NRG3: variants seen among roughly 807,000 people sequenced by gnomAD.
NRG3 encodes the protein neuregulin 3, also known as pro-neuregulin-3, membrane-bound isoform.
In NRG3, 31 loss-of-function variants were observed where a neutral mutation model predicts 66.9. The ratio of observed to expected loss-of-function variants is 0.46; its 90% CI spans 0.35 to 0.63. The LOEUF is 0.63. NRG3 is among the 20% of genes least tolerant of loss of function. NRG3 has a pLI of 0.00. For missense variants in NRG3, 910 were observed against 878.9 expected (o/e 1.04, Z -0.45); for synonymous variants, 393 against 359.4 (o/e 1.09, Z -1.06).
At chr10:82,533,866 G>A (rs1847548725) in intron 2 of NRG3, among the ~76,000 whole-genome samples, 1 of 152,008 alleles carries the variant, frequency 6.6e-6, no homozygotes, top group South Asian at 2.1e-4. Context: ...AAAACAATAA[G>A]AAGAACAACA....
chr10:82,738,546 C>T (rs375641062), intron 2 of NRG3, 31 bp from the exon 3 acceptor site: 16 of 1,570,592 alleles, frequency 1.0e-5, no homozygotes, highest in South Asian at 8.9e-5. Flanking sequence ...CAACCACATG[C>T]GTATGTTTGT....
intron 1 of NRG3, among the ~76,000 whole-genome samples, chr10:82,088,002 G>A (rs1267930009): frequency 6.6e-6 from 1 of 152,108 alleles, no homozygotes; most frequent in Non-Finnish European, 1.5e-5. Flanking sequence ...AGGGTCTGGA[G>A]AGCCTGTCCT....
intron 4 of NRG3, among the ~76,000 whole-genome samples, chr10:82,879,556 T>C (rs1183394884): frequency 1.4e-5 from 2 of 145,900 alleles, no homozygotes; most frequent in Non-Finnish European, 3.0e-5. Context: ...CACTGCAAGC[T>C]CCACCTCCCG....
rs575695470 is a variant in NRG3 at position 82,590,313 on chromosome 10, A to G, written c.954-148264A>G. Among the ~76,000 whole-genome samples, 11 of 152,320 alleles carry G rather than the reference A, an allele frequency of 7.2e-5. No homozygotes were observed. The South Asian group carries it at 2.1e-3, about 29-fold the overall frequency. On this transcript the variant is annotated intron_variant, in intron 2 of 8. Coordinates refer to ENST00000372141, the MANE Select transcript of NRG3 (RefSeq NM_001010848.4). Reference sequence around the variant, plus strand: ...GTTTGTACAGAGTTCATGTCTCTGTATCTGAAGACATTAGCCCCTAGGGTA... The same window carrying G: ...GTTTGTACAGAGTTCATGTCTCTGTGTCTGAAGACATTAGCCCCTAGGGTA...
chr10:82,828,876 A>G (rs2062376640), intron 3 of NRG3, among the ~76,000 whole-genome samples: 1 of 152,182 alleles, frequency 6.6e-6, no homozygotes, highest in South Asian at 2.1e-4. Flanking sequence ...GCTATGCTGA[A>G]CATCTGATGG....
chr10:82,667,418 T>A (rs925955899), intron 2 of NRG3, among the ~76,000 whole-genome samples: 5 of 152,168 alleles, frequency 3.3e-5, no homozygotes, highest in Non-Finnish European at 7.4e-5. Context: ...ATGTGTTTTT[T>A]TCCAGCTGTG....
At chr10:82,259,469 C>G (rs929987853) in intron 1 of NRG3, among the ~76,000 whole-genome samples, 1 of 152,134 alleles carries the variant, frequency 6.6e-6, no homozygotes, top group Non-Finnish European at 1.5e-5. Context: ...ATTCCAGCAC[C>G]TACACTCCTC....
At chr10:82,141,512 G>A (rs1430275270) in intron 1 of NRG3, among the ~76,000 whole-genome samples, 1 of 152,074 alleles carries the variant, frequency 6.6e-6, no homozygotes, top group Non-Finnish European at 1.5e-5. Context: ...TTTCCCCTTG[G>A]AACCTCACAG....
chr10:82,807,515 T>G (rs772988962), intron 3 of NRG3, among the ~76,000 whole-genome samples: 3 of 152,116 alleles, frequency 2.0e-5, no homozygotes, highest in South Asian at 4.2e-4. Flanking sequence ...TGAATCAGAG[T>G]TAGGATGTGA....
At chr10:82,783,110 C>T (rs2060189446) in intron 3 of NRG3, among the ~76,000 whole-genome samples, 3 of 152,034 alleles carry the variant, frequency 2.0e-5, no homozygotes, top group East Asian at 1.9e-4. Flanking sequence ...ACAAAAACCA[C>T]GACTATCTCA....
At chr10:82,906,632 A>C (rs946581084) in intron 4 of NRG3, among the ~76,000 whole-genome samples, 10 of 152,206 alleles carry the variant, frequency 6.6e-5, no homozygotes, top group Admixed American at 3.3e-4. Flanking sequence ...AAATTAAAAC[A>C]TGTCCAGTAG....
chr10:82,208,984 G>A (rs963941250), intron 1 of NRG3, among the ~76,000 whole-genome samples: 5 of 151,304 alleles, frequency 3.3e-5, no homozygotes, highest in African/African-American at 7.2e-5. Flanking sequence ...ACTACATGAC[G>A]TTGAGAGGAG....
At chr10:82,344,658 G>A (rs201251249) in intron 1 of NRG3, among the ~76,000 whole-genome samples, 9,585 of 126,378 alleles carry the variant, frequency 0.076, 816 homozygotes, top group African/African-American at 0.22. Flanking sequence ...CACAATGGTT[G>A]AACTAGTTTA....
At chr10:81,882,605 A>C (rs1842280940) in intron 1 of NRG3, among the ~76,000 whole-genome samples, 1 of 152,156 alleles carries the variant, frequency 6.6e-6, no homozygotes, top group African/African-American at 2.4e-5. Flanking sequence ...CAATCCCGAA[A>C]GAGTTTATAA....
intron 2 of NRG3, among the ~76,000 whole-genome samples, chr10:82,360,056 G>A (rs559419143): frequency 6.6e-6 from 1 of 152,286 alleles, no homozygotes; most frequent in Admixed American, 6.5e-5. Flanking sequence ...AAATAGAACT[G>A]TGACCTTTCC....
chr10:82,618,614 A>G (rs1448335662), intron 2 of NRG3, among the ~76,000 whole-genome samples: 1 of 152,190 alleles, frequency 6.6e-6, no homozygotes. Flanking sequence ...TTGCAGAAAA[A>G]TGAGCAAATG....
intron 2 of NRG3, among the ~76,000 whole-genome samples, chr10:82,429,958 A>T (rs2089688583): frequency 1.3e-5 from 2 of 152,068 alleles, no homozygotes; most frequent in Non-Finnish European, 2.9e-5. Context: ...TTTTGACCAA[A>T]CTTCAATTTA....
chr10:82,816,523 T>G (rs373926711), intron 3 of NRG3, among the ~76,000 whole-genome samples: 118 of 152,290 alleles, frequency 7.7e-4, no homozygotes, highest in African/African-American at 2.7e-3. Context: ...AAATGCATGC[T>G]GATTGGTCCA....
At chr10:81,978,573 C>CATAGT (rs2060211947) in intron 1 of NRG3, among the ~76,000 whole-genome samples, 1 of 152,026 alleles carries the variant, frequency 6.6e-6, no homozygotes, top group South Asian at 2.1e-4. Context: ...TCCTTGAATC[C>CATAGT]ATAGTATATT....
Sources: gnomAD v4.1 joint callset for allele counts (sites outside exome capture counted in the v4.1 genomes callset) on GRCh38, gnomAD v4.1.1 for gene constraint, MANE v1.5 for transcripts, NCBI Gene and HGNC (gene_info 2026-07-23, HGNC 2026-07-21) for gene names.